PRKD1: variants seen among roughly 807,000 people sequenced by gnomAD.
PRKD1 encodes serine/threonine-protein kinase D1.
Under a neutral mutation model 95.9 loss-of-function variants are expected in PRKD1, and 63 were observed. The ratio of observed to expected loss-of-function variants is 0.66; its 90% CI spans 0.54 to 0.81. The LOEUF (loss-of-function observed/expected upper bound fraction) is 0.81. PRKD1 is among the 30% of genes least tolerant of loss of function. PRKD1 has a pLI of 0.00. For synonymous variants in PRKD1, 425 were observed against 423.1 expected, an observed-to-expected ratio of 1.00 and a Z score of -0.05; for missense variants, 1,048 against 1,165.3, an observed-to-expected ratio of 0.90 and a Z score of 1.47.
In PRKD1 at chr14:29,630,729, C is replaced by G; in HGVS notation, c.1672+13G>C. 6.2e-7 allele frequency: 1 copy of G among 1,613,924 alleles called. No individual in the cohort carries two copies. The highest frequency in any genetic ancestry group is 1.3e-5 in the African/African-American group (1 of 75,014). ...GATGAGCTTTGGGCTGGTTAGAAAACTGGCAGACTCACTGTGCAAGTTGGT... is the reference window on the plus strand; with the variant it reads ...GATGAGCTTTGGGCTGGTTAGAAAAGTGGCAGACTCACTGTGCAAGTTGGT... On this transcript the variant is annotated intron_variant, in intron 10 of 17. Transcript: ENST00000331968.
chr14:29,577,637 C>A (rs147955497), intron 17 of PRKD1, among the ~76,000 whole-genome samples, 181 bp from the exon 18 acceptor site: 114 of 152,216 alleles, frequency 7.5e-4, no homozygotes, highest in African/African-American at 2.6e-3. Context: ...ATTTGTCTAA[C>A]CTTTGCAAAT....
intron 2 of PRKD1, among the ~76,000 whole-genome samples, chr14:29,712,739 A>T (rs1885395022): frequency 6.6e-6 from 1 of 152,198 alleles, no homozygotes; most frequent in African/African-American, 2.4e-5. Context: ...AAACAGCTGC[A>T]TTTCTAATTT....
Position 29,927,394 on chromosome 14 carries a change from G to C in PRKD1, c.119C>G (p.Ala40Gly), listed in dbSNP as rs1264254616. 3 of 1,542,088 alleles carry C rather than the reference G, an allele frequency of 1.9e-6. No homozygotes were observed. The Middle Eastern group carries it at 5.2e-4, about 267-fold the overall frequency. ...GCCCCCGACCGGGGCCGCGACAGGA[G>C]CCAAGAACGGCGCGGGCCCGGGCCC... The part of the protein sequence containing the change: ...GSGPGPAPFL[A>G]PVAAPVGGIS... Residue 40 changes from alanine to glycine, a missense_variant, in exon 1 of 18, where the codon GCT (alanine) becomes GGT (glycine). Transcript: ENST00000331968.
chr14:29,578,194 T>G, intron 17 of PRKD1, 81 bp downstream of exon 17: 1 of 1,109,334 alleles, frequency 9.0e-7, no homozygotes, highest in Non-Finnish European at 1.3e-6. Flanking sequence ...TAAAAATTAT[T>G]GCAAAAGATT....
At chr14:29,708,678 C>A (rs1435653730) in intron 2 of PRKD1, among the ~76,000 whole-genome samples, 1 of 152,000 alleles carries the variant, frequency 6.6e-6, no homozygotes, top group East Asian at 1.9e-4. Context: ...CATGGCAAAA[C>A]CTCCTCTCTA....
intron 1 of PRKD1, among the ~76,000 whole-genome samples, chr14:29,916,921 TCTC>T (rs1471762708): frequency 2.0e-5 from 3 of 151,994 alleles, no homozygotes; most frequent in African/African-American, 7.3e-5. Context: ...CTAACCATGA[TCTC>T]CTAACACTCT....
At chr14:29,926,969 G>T (rs1172496154) in intron 1 of PRKD1, among the ~76,000 whole-genome samples, 1 of 151,942 alleles carries the variant, frequency 6.6e-6, no homozygotes, top group Admixed American at 6.5e-5. Flanking sequence ...AAGATACCTG[G>T]AAATGTCATG....
intron 1 of PRKD1, among the ~76,000 whole-genome samples, chr14:29,921,849 A>G (rs760159764): frequency 8.5e-5 from 13 of 152,142 alleles, no homozygotes; most frequent in Non-Finnish European, 1.9e-4. Flanking sequence ...ATTGATCTCA[A>G]TTCTGAATCT....
At chr14:29,624,374 A>C in intron 12 of PRKD1, 116 bp from the exon 13 acceptor site, 1 of 584,032 alleles carries the variant, frequency 1.7e-6, no homozygotes, top group Non-Finnish European at 2.8e-6. Flanking sequence ...TGAATAAATT[A>C]ACATTTCTAA....
intron 1 of PRKD1, among the ~76,000 whole-genome samples, chr14:29,771,151 G>T (rs933675321): frequency 3.9e-5 from 6 of 152,028 alleles, no homozygotes; most frequent in African/African-American, 1.4e-4. Flanking sequence ...GAATGAAAAA[G>T]CGAGTTCAGG....
chr14:29,676,183 G>GTTTTTTTTTTTTTTTT (rs34953735), intron 2 of PRKD1, among the ~76,000 whole-genome samples: 4 of 67,466 alleles, frequency 5.9e-5, no homozygotes, highest in East Asian at 3.6e-4. Context: ...TTACGTTTTT[G>GTTTTTTTTTTTTTTTT]TTTTTTTTTT....
chr14:29,826,445 TAC>T (rs1891117957), intron 1 of PRKD1, among the ~76,000 whole-genome samples: 1 of 78,670 alleles, frequency 1.3e-5, no homozygotes. Flanking sequence ...AATATATATA[TAC>T]ATATATATGA....
At position 29,632,961 on chromosome 14, in the gene PRKD1, A is replaced by G. The variant is rs1342554911; in HGVS notation, c.1315-15T>C. 4 of 1,601,278 alleles carry G rather than the reference A, an allele frequency of 2.5e-6. No homozygotes were observed. The African/African-American group carries it at 4.0e-5, about 16-fold the overall frequency. ...TGCCGTTTCCGCTGAAACAGAAGTTAGATCCAAGATCTTTTTAAAAAACTT... is the reference window on the plus strand; with the variant it reads ...TGCCGTTTCCGCTGAAACAGAAGTTGGATCCAAGATCTTTTTAAAAAACTT... On this transcript the variant is annotated splice_polypyrimidine_tract_variant and intron_variant, in intron 8 of 17. Coordinates refer to ENST00000331968, the MANE Select transcript of PRKD1 (RefSeq NM_002742.3).
rs1262718581 is a variant in PRKD1, at chr14:29,634,425, T to A, written c.1307A>T (p.Asp436Val). ...EGWMVHYTSK[D>V]TLRKRHYWRL... ...GTTCCCTGTGGATCTTACCAGCGTG[T>A]CCTTGCTGGTGTAGTGGACCATCCA... Residue 436 changes from aspartate to valine, a missense_variant, in exon 8 of 18, where the codon GAC becomes GTC. Physicochemically the swap from Asp to Val is radical, Grantham distance 152. Coordinates refer to ENST00000331968, the MANE Select transcript of PRKD1 (RefSeq NM_002742.3). The A allele has an allele frequency of 6.2e-7, 1 of 1,614,068 alleles. No homozygotes were observed. Among genetic ancestry groups the A allele is most frequent in the African/African-American group, 1.3e-5 (1 of 75,042 alleles).
chr14:29,713,405 C>G (rs138820674), intron 2 of PRKD1, among the ~76,000 whole-genome samples: 10 of 152,228 alleles, frequency 6.6e-5, no homozygotes, highest in African/African-American at 2.4e-4. Flanking sequence ...AAAGAAAGAT[C>G]TGGCCTTCAA....
intron 1 of PRKD1, among the ~76,000 whole-genome samples, chr14:29,917,543 T>A (rs1440846033): frequency 6.6e-6 from 1 of 152,174 alleles, no homozygotes; most frequent in African/African-American, 2.4e-5. Context: ...AACAAATTAT[T>A]TTAGTTGATG....
chr14:29,627,616 A>G (rs1193417059), intron 11 of PRKD1, among the ~76,000 whole-genome samples: 1 of 152,026 alleles, frequency 6.6e-6, no homozygotes, highest in Admixed American at 6.6e-5. Flanking sequence ...TTTTCCAACT[A>G]TCTTCTACCC....
chr14:29,832,982 T>C (rs2810043), intron 1 of PRKD1, among the ~76,000 whole-genome samples: 22,510 of 151,962 alleles, frequency 0.15, 2,152 homozygotes, highest in Non-Finnish European at 0.2. Context: ...GTAACCTCCA[T>C]AGTAACACTT....
intron 1 of PRKD1, among the ~76,000 whole-genome samples, chr14:29,826,792 C>T (rs569092235): frequency 2.1e-4 from 7 of 32,718 alleles, no homozygotes; most frequent in Non-Finnish European, 3.3e-4. Flanking sequence ...CATATATACA[C>T]ATATATATAC....
Sources: gnomAD v4.1 joint callset for allele counts (sites outside exome capture counted in the v4.1 genomes callset) on GRCh38, gnomAD v4.1.1 for gene constraint, MANE v1.5 for transcripts, NCBI Gene and HGNC (gene_info 2026-07-23, HGNC 2026-07-21) for gene names.